The following OOEP variants were observed in gnomAD, a reference collection of about 807,000 sequenced individuals.
OOEP encodes the protein oocyte-expressed protein homolog.
A neutral mutation model predicts 13.7 loss-of-function variants in OOEP; 16 were observed. The ratio of observed to expected loss-of-function variants is 1.16; its 90% CI spans 0.79 to 1.77. OOEP has a LOEUF of 1.77. OOEP is among the 40% of genes most tolerant of loss of function. OOEP has a pLI of 0.00. For missense variants in OOEP, 195 were observed against 193.1 expected (o/e 1.01, Z -0.06); for synonymous variants, 89 against 77.1 (o/e 1.15, Z -0.81).
chr6:73,369,893 G>A lies in OOEP; in HGVS notation c.-101C>T, dbSNP rs1562276774. Reference sequence around the variant, plus strand: ...GGCTCTCTTTTACCATATTCGACCCGCTCCGCCCCTTCCGGCGGCGCCTCG... The same window carrying A: ...GGCTCTCTTTTACCATATTCGACCCACTCCGCCCCTTCCGGCGGCGCCTCG... On this transcript the variant is annotated 5_prime_UTR_variant, in exon 1 of 3. Coordinates refer to ENST00000370359, the MANE Select transcript of OOEP (RefSeq NM_001080507.3). The A allele has an allele frequency of 3.6e-6, 4 of 1,111,766 alleles. No homozygotes were observed. The highest frequency in any genetic ancestry group is 1.3e-6 in the Non-Finnish European group (1 of 772,302). The allele number at this position is 1,111,766 out of a possible 1,614,324, so 68.9% of individuals were successfully genotyped here. A position where few individuals can be genotyped will look rare whatever the true frequency, so the allele number is the denominator to read the frequency against.
chr6:73,394,787 C>G, exon 1 of OOEP: 3 of 1,441,680 alleles, frequency 2.1e-6, no homozygotes, highest in Admixed American at 2.3e-5. Flanking sequence ...GGGCTAGCCT[C>G]GTGCGGGCTC....
At chr6:73,394,939 A>T in exon 1 of OOEP, 1 of 1,614,234 alleles carries the variant, frequency 6.2e-7, no homozygotes, top group Non-Finnish European at 8.5e-7. Flanking sequence ...CAAGGCCTCT[A>T]CGTGGGTCGT....
At chr6:73,387,871 T>C (rs1769295903) in intron 2 of OOEP, among the ~76,000 whole-genome samples, 2 of 152,190 alleles carry the variant, frequency 1.3e-5, no homozygotes, top group Non-Finnish European at 2.9e-5. Context: ...CATTAGAATT[T>C]TATTTTACTT....
chr6:73,386,767 A>C (rs1769277470), intron 2 of OOEP, among the ~76,000 whole-genome samples: 2 of 151,870 alleles, frequency 1.3e-5, no homozygotes, highest in Non-Finnish European at 1.5e-5. Flanking sequence ...TGAGTTCAGG[A>C]CCAGCATGGC....
intron 2 of OOEP, among the ~76,000 whole-genome samples, chr6:73,375,959 A>G (rs796324834): frequency 4.6e-5 from 7 of 151,586 alleles, no homozygotes; most frequent in African/African-American, 1.5e-4. Flanking sequence ...GGCCAGGTGA[A>G]TTTTTGTAAA....
In OOEP at chr6:73,369,702, G is replaced by C. The variant is rs916768628; in HGVS notation, c.91C>G (p.Pro31Ala). The C allele has an allele frequency of 3.7e-6, 6 of 1,613,914 alleles. No individual in the cohort carries two copies. In the African/African-American group the frequency reaches 5.3e-5, roughly 14 times the overall value. Residue 31 changes from proline (P) to alanine (A), a missense_variant, in exon 1 of 3, where the codon CCG (proline) becomes GCG (alanine). Coordinates refer to ENST00000370359, the MANE Select transcript of OOEP (RefSeq NM_001080507.3). ...CAGGGCCGGATGCGAATCTGTGGCGGCGGAAGTGGTAACCTACGCAGCTGC... is the reference window on the plus strand; with the variant it reads ...CAGGGCCGGATGCGAATCTGTGGCGCCGGAAGTGGTAACCTACGCAGCTGC... ...LEQLRRLPLP[P>A]PQIRIRPWWF...
At chr6:73,385,199 T>A (rs1331655884) in intron 2 of OOEP, among the ~76,000 whole-genome samples, 1 of 151,634 alleles carries the variant, frequency 6.6e-6, no homozygotes. Flanking sequence ...ACAAAAAAAT[T>A]AGCCGGGTGT....
intron 2 of OOEP, among the ~76,000 whole-genome samples, chr6:73,376,505 G>A (rs1222888746): frequency 6.7e-6 from 1 of 149,660 alleles, no homozygotes; most frequent in Non-Finnish European, 1.5e-5. Context: ...TTGAGACGGA[G>A]TCTGTTGCTC....
chr6:73,369,407 C>T, intron 1 of OOEP, 22 bp from the exon 2 acceptor site: 1 of 1,601,376 alleles, frequency 6.2e-7, no homozygotes, highest in Non-Finnish European at 8.5e-7. Flanking sequence ...AGGAAAAACT[C>T]TGAGGGGCTG....
intron 2 of OOEP, among the ~76,000 whole-genome samples, chr6:73,384,371 G>A (rs919948088): frequency 6.6e-6 from 1 of 152,116 alleles, no homozygotes; most frequent in African/African-American, 2.4e-5. Context: ...ATTTAAAGGA[G>A]AACTAATGTC....
In OOEP at chr6:73,369,285, GA is replaced by G; in HGVS notation, c.290del (p.Phe97SerfsTer10). The G allele has an allele frequency of 6.2e-7, 1 of 1,613,942 alleles. No individual in the cohort carries two copies. Among genetic ancestry groups the G allele is most frequent in the Non-Finnish European group, 8.5e-7 (1 of 1,179,884 alleles). ...DSGNLVEITV[F>X]GRPRVQNRVK... ...CCCGATTCTGTACACGGGGCCGCCC[GA>G]AAACGGTGATTTCGACTAGGTTCCC... On this transcript the variant is annotated frameshift_variant, in exon 2 of 3. Transcript: ENST00000370359. LOFTEE classifies it high-confidence loss of function.
chr6:73,383,760 A>AAAT (rs1437886535), intron 2 of OOEP, among the ~76,000 whole-genome samples: 1 of 152,222 alleles, frequency 6.6e-6, no homozygotes, highest in Non-Finnish European at 1.5e-5. Flanking sequence ...ACAAGTATTT[A>AAAT]GATAGAATAA....
intron 2 of OOEP, among the ~76,000 whole-genome samples, chr6:73,392,086 G>A (rs373405816): frequency 1.3e-5 from 2 of 152,140 alleles, no homozygotes; most frequent in Admixed American, 1.3e-4. Flanking sequence ...TTCTGGAAGA[G>A]ATTCTATGAG....
In OOEP at chr6:73,369,262, C is replaced by A. The variant is rs199988719; in HGVS notation, c.314G>T (p.Arg105Leu). 1.9e-6 allele frequency: 3 copies of A among 1,613,846 alleles called. No individual in the cohort carries two copies. The highest frequency in any genetic ancestry group is 1.7e-6 in the Non-Finnish European group (2 of 1,179,860). The part of the protein sequence containing the change: ...TVFGRPRVQN[R>L]VKSMLLCLAW... ...CAGGCACAGGAGCATGCTCTTCACC[C>A]GATTCTGTACACGGGGCCGCCCGAA... Residue 105 changes from arginine to leucine, a missense_variant, in exon 2 of 3, where the codon CGG (arginine) becomes CTG (leucine). Transcript: ENST00000370359.
chr6:73,376,033 C>T (rs570182645), intron 2 of OOEP, among the ~76,000 whole-genome samples: 70 of 152,226 alleles, frequency 4.6e-4, no homozygotes, highest in African/African-American at 1.5e-3. Flanking sequence ...ATCCACCCAC[C>T]TCAGCCTCCA....
At chr6:73,390,667 C>G (rs1248417227) in intron 2 of OOEP, among the ~76,000 whole-genome samples, 3 of 150,548 alleles carry the variant, frequency 2.0e-5, no homozygotes, top group Admixed American at 1.3e-4. Context: ...ACCTCCGCCT[C>G]CCAGGTTCAG....
intron 2 of OOEP, among the ~76,000 whole-genome samples, chr6:73,382,204 C>G (rs2150781748): frequency 6.8e-6 from 1 of 147,388 alleles, no homozygotes; most frequent in East Asian, 2.0e-4. Flanking sequence ...TGCACTACCA[C>G]ACCTGGCTAA....
chr6:73,376,341 G>GTTTT (rs1562278072), intron 2 of OOEP, among the ~76,000 whole-genome samples: 2 of 67,910 alleles, frequency 2.9e-5, no homozygotes, highest in Admixed American at 4.4e-4. Context: ...TGGACAAGGG[G>GTTTT]TTGTTTTTTT....
intron 2 of OOEP, among the ~76,000 whole-genome samples, chr6:73,382,847 T>TA (rs1769227839): frequency 3.1e-5 from 4 of 130,746 alleles, no homozygotes; most frequent in Non-Finnish European, 6.5e-5. Flanking sequence ...CAGTGGTTTT[T>TA]AACTTTTTTT....
Sources: gnomAD v4.1 joint callset for allele counts (sites outside exome capture counted in the v4.1 genomes callset) on GRCh38, gnomAD v4.1.1 for gene constraint, MANE v1.5 for transcripts, NCBI Gene and HGNC (gene_info 2026-07-23, HGNC 2026-07-21) for gene names.